The following NFIA variants were observed in gnomAD, a reference collection of about 807,000 sequenced individuals.
NFIA encodes nuclear factor I A.
In NFIA, 8 loss-of-function variants were observed where a neutral mutation model predicts 62.8. The observed-to-expected ratio is 0.13, with a 90% CI of 0.07 to 0.23. NFIA has a LOEUF of 0.23. NFIA is among the 10% of genes least tolerant of loss of function. The probability of loss-of-function intolerance (pLI) is 1.00; values close to 1 mark genes in which losing one functional copy is unlikely to be tolerated. For synonymous variants in NFIA, 235 were observed against 238.1 expected, an observed-to-expected ratio of 0.99 and a Z score of 0.12; for missense variants, 410 against 642.1, an observed-to-expected ratio of 0.64 and a Z score of 3.91.
chr1:61,303,569 T>A (rs1027848151), intron 3 of NFIA, among the ~76,000 whole-genome samples: 2 of 152,016 alleles, frequency 1.3e-5, no homozygotes, highest in African/African-American at 4.8e-5. Context: ...GGAAGACTAG[T>A]GTGGATGGAA....
intron 2 of NFIA, among the ~76,000 whole-genome samples, chr1:61,212,127 G>C (rs1020042645): frequency 1.3e-5 from 2 of 152,282 alleles, no homozygotes; most frequent in African/African-American, 4.8e-5. Context: ...AGGGGTGATA[G>C]CATAGGGGCC....
chr1:61,447,978 T>A (rs1242383838), intron 10 of NFIA, among the ~76,000 whole-genome samples: 1 of 152,232 alleles, frequency 6.6e-6, no homozygotes, highest in African/African-American at 2.4e-5. Flanking sequence ...ATAGCAGCGT[T>A]AACACACCCT....
At chr1:61,191,365 C>T (rs1035659416) in intron 2 of NFIA, among the ~76,000 whole-genome samples, 2 of 152,138 alleles carry the variant, frequency 1.3e-5, no homozygotes, top group African/African-American at 4.8e-5. Flanking sequence ...ACAGGCTTCA[C>T]CGTGACCTGA....
intron 10 of NFIA, among the ~76,000 whole-genome samples, chr1:61,442,116 A>G (rs1667612685): frequency 6.6e-6 from 1 of 152,140 alleles, no homozygotes; most frequent in South Asian, 2.1e-4. Context: ...TTGAGTCAGA[A>G]GCAGGCACGG....
intron 2 of NFIA, among the ~76,000 whole-genome samples, chr1:61,234,844 A>G (rs79500827): frequency 0.045 from 6,883 of 152,148 alleles, 229 homozygotes; most frequent in Non-Finnish European, 0.064. Flanking sequence ...AATACAGTTT[A>G]TGTTGTTTTA....
chr1:61,079,986 T>A (rs1557548617), upstream of NFIA, among the ~76,000 whole-genome samples: 1 of 152,286 alleles, frequency 6.6e-6, no homozygotes, highest in East Asian at 1.9e-4. Context: ...TAGTTGGAAC[T>A]GTGCTTTGTA....
chr1:61,230,801 G>T (rs1654629005), intron 2 of NFIA, among the ~76,000 whole-genome samples: 1 of 152,216 alleles, frequency 6.6e-6, no homozygotes, highest in African/African-American at 2.4e-5. Flanking sequence ...CCAAGGTGCT[G>T]TGCTTTACCA....
At chr1:61,391,484 A>ACT (rs1664983449) in intron 7 of NFIA, among the ~76,000 whole-genome samples, 7 of 143,864 alleles carry the variant, frequency 4.9e-5, no homozygotes, top group Admixed American at 4.8e-4. Flanking sequence ...ACACACACAC[A>ACT]CACAGGCAGT....
chr1:61,351,014 T>C (rs1404983818), intron 4 of NFIA, among the ~76,000 whole-genome samples: 6 of 152,234 alleles, frequency 3.9e-5, no homozygotes, highest in Admixed American at 3.9e-4. Flanking sequence ...AAGTGACATG[T>C]GTTCAGTAGA....
At chr1:61,322,045 T>C (rs1159815882) in intron 3 of NFIA, among the ~76,000 whole-genome samples, 1 of 152,162 alleles carries the variant, frequency 6.6e-6, no homozygotes, top group African/African-American at 2.4e-5. Context: ...GGGATAAAAT[T>C]CATTATATAA....
intron 2 of NFIA, among the ~76,000 whole-genome samples, chr1:61,135,448 A>C (rs1160856668): frequency 6.6e-6 from 1 of 152,010 alleles, no homozygotes; most frequent in Non-Finnish European, 1.5e-5. Flanking sequence ...GCTCTGTTGC[A>C]CAGGCTGGAG....
chr1:61,339,768 A>G (rs6587916), intron 4 of NFIA, among the ~76,000 whole-genome samples: 138,218 of 152,178 alleles, frequency 0.91, 62,954 homozygotes, highest in South Asian at 0.96. Context: ...ATCCTAGCTC[A>G]CAGTATGGGT....
At chr1:61,451,526 A>T in intron 10 of NFIA, among the ~76,000 whole-genome samples, 1 of 152,178 alleles carries the variant, frequency 6.6e-6, no homozygotes, top group East Asian at 1.9e-4. Context: ...CACCTTGAAC[A>T]TTGAAAGAGG....
chr1:61,158,715 G>GTC, intron 2 of NFIA, among the ~76,000 whole-genome samples: 1 of 152,314 alleles, frequency 6.6e-6, no homozygotes, highest in East Asian at 1.9e-4. Context: ...TTGACTTTAT[G>GTC]TCGCGAGAGG....
Position 61,406,543 on chromosome 1 carries a change from G to GACC in NFIA, c.1255-19_1255-18insACC. On this transcript the variant is annotated intron_variant, in intron 8 of 10. Transcript: ENST00000403491. ...TCTTTTTCTTGTACGTGTGTTTTCT[G>GACC]CCCCCCCCCCCCCCACAGCCCAATG... 1.1e-6 allele frequency: 1 copy of GACC among 876,654 alleles called. No individual in the cohort carries two copies. Among genetic ancestry groups the GACC allele is most frequent in the Non-Finnish European group, 1.5e-6 (1 of 653,744 alleles). The allele number at this position is 876,654 out of a possible 1,614,324, so 54.3% of individuals were successfully genotyped here. A position where few individuals can be genotyped will look rare whatever the true frequency, so the allele number is the denominator to read the frequency against.
chr1:61,308,219 G>A (rs766857000), intron 3 of NFIA, among the ~76,000 whole-genome samples: 2 of 152,194 alleles, frequency 1.3e-5, no homozygotes, highest in African/African-American at 2.4e-5. Flanking sequence ...GATGAAGGAA[G>A]TCACATTTTC....
At chr1:61,255,556 G>T (rs138745331) in intron 2 of NFIA, among the ~76,000 whole-genome samples, 19 of 152,302 alleles carry the variant, frequency 1.2e-4, no homozygotes, top group African/African-American at 4.6e-4. Context: ...GTGTATTTCA[G>T]ATCTTATTGT....
At chr1:61,215,436 G>A (rs1653553021) in intron 2 of NFIA, among the ~76,000 whole-genome samples, 1 of 151,306 alleles carries the variant, frequency 6.6e-6, no homozygotes, top group Non-Finnish European at 1.5e-5. Flanking sequence ...TTTATTAGGA[G>A]ATATTATTAG....
intron 6 of NFIA, among the ~76,000 whole-genome samples, chr1:61,369,702 C>T (rs543650488): frequency 3.9e-4 from 60 of 151,926 alleles, no homozygotes; most frequent in African/African-American, 1.3e-3. Context: ...AATATATAAG[C>T]GTTTTATAAG....
Sources: gnomAD v4.1 joint callset for allele counts (sites outside exome capture counted in the v4.1 genomes callset) on GRCh38, gnomAD v4.1.1 for gene constraint, MANE v1.5 for transcripts, NCBI Gene and HGNC (gene_info 2026-07-23, HGNC 2026-07-21) for gene names.